The following MCF2L variants were observed in gnomAD, a reference collection of about 807,000 sequenced individuals.
MCF2L encodes the protein guanine nucleotide exchange factor DBS.
In MCF2L, 97 loss-of-function variants were observed where a neutral mutation model predicts 153.4. That is an observed-to-expected ratio of 0.63 (90% CI 0.54 to 0.75). MCF2L has a LOEUF of 0.75. Ranked by LOEUF, MCF2L falls within the 30% of genes least tolerant of loss-of-function variation. The probability of loss-of-function intolerance (pLI) is 0.00; values close to 1 mark genes in which losing one functional copy is unlikely to be tolerated. For missense variants in MCF2L, 1,347 were observed against 1,495.2 expected (o/e 0.90, Z 1.64); for synonymous variants, 659 against 632.2 (o/e 1.04, Z -0.64).
chr13:112,946,810 A>G (rs1384474633), intron 2 of MCF2L, among the ~76,000 whole-genome samples: 1 of 152,238 alleles, frequency 6.6e-6, no homozygotes, highest in East Asian at 1.9e-4. Context: ...AAGGTGGAAC[A>G]GACATACTTT....
At chr13:113,086,394 G>A (rs1278085371) in intron 21 of MCF2L, 145 bp downstream of exon 21, 2 of 1,092,220 alleles carry the variant, frequency 1.8e-6, no homozygotes, top group Non-Finnish European at 2.5e-6. Flanking sequence ...CCCTAGATAA[G>A]CCCACTCCCA....
chr13:112,922,448 A>T (rs1328787916), intron 2 of MCF2L, among the ~76,000 whole-genome samples: 2 of 152,122 alleles, frequency 1.3e-5, no homozygotes, highest in African/African-American at 4.8e-5. Context: ...GCAACATAGT[A>T]CTTTGGCAGA....
intron 2 of MCF2L, among the ~76,000 whole-genome samples, chr13:112,942,969 T>C (rs1369938969): frequency 6.6e-6 from 1 of 152,194 alleles, no homozygotes; most frequent in African/African-American, 2.4e-5. Flanking sequence ...GTATTTAGGA[T>C]TGACATGTGT....
chr13:113,025,536 CCG>C (rs1272308034), intron 3 of MCF2L, among the ~76,000 whole-genome samples: 3 of 82,648 alleles, frequency 3.6e-5, no homozygotes, highest in Non-Finnish European at 4.9e-5. Flanking sequence ...CGTGGGGTCC[CCG>C]TGACTGTGGG....
At position 113,094,593 on chromosome 13, in the gene MCF2L, G is replaced by A. The variant is rs371463965; in HGVS notation, c.3033G>A (p.Ser1011=). The A allele has an allele frequency of 4.2e-5, 68 of 1,612,350 alleles. No individual in the cohort carries two copies. Among genetic ancestry groups the A allele is most frequent in the Admixed American group, 1.2e-4 (7 of 59,932 alleles). Residue 1011 remains serine, a synonymous_variant, in exon 27 of 30, where the codon TCG becomes TCA. Transcript: ENST00000535094. ...GWSSAEEQIN[S]SDAEEDGGLG... ...CAAGTGCAGAGGAGCAGATTAACTC[G>A]TCCGACGCAGAGGAGGACGGCGGGT...
intron 4 of MCF2L, among the ~76,000 whole-genome samples, chr13:113,047,893 G>A (rs9577439): frequency 0.13 from 6,595 of 49,054 alleles, 237 homozygotes; most frequent in East Asian, 0.29. Flanking sequence ...CTGATGCCTC[G>A]CTACGCGTGC....
At chr13:113,065,942 C>G in intron 7 of MCF2L, 104 bp from the exon 8 acceptor site, 1 of 1,257,982 alleles carries the variant, frequency 7.9e-7, no homozygotes. Flanking sequence ...TGACCCCTTC[C>G]TCAGTCCCCG....
intron 2 of MCF2L, among the ~76,000 whole-genome samples, chr13:113,015,982 A>C (rs1226426524): frequency 6.6e-6 from 1 of 152,040 alleles, no homozygotes; most frequent in Non-Finnish European, 1.5e-5. Context: ...AGAGGCTCAC[A>C]GCTTTGCCAC....
At chr13:112,925,582 C>T (rs1388706769) in intron 2 of MCF2L, among the ~76,000 whole-genome samples, 1 of 152,154 alleles carries the variant, frequency 6.6e-6, no homozygotes, top group Non-Finnish European at 1.5e-5. Flanking sequence ...GTTCACACAT[C>T]AATCTCAAGA....
chr13:113,051,803 C>A (rs1332298911), intron 4 of MCF2L, among the ~76,000 whole-genome samples: 1 of 152,116 alleles, frequency 6.6e-6, no homozygotes, highest in Non-Finnish European at 1.5e-5. Flanking sequence ...CCTCACCTGG[C>A]GAGGGGAGAG....
chr13:112,969,240 G>T lies in MCF2L; in HGVS notation c.-140G>T, dbSNP rs955535537. ...CGGAACCAATCCTGGGCAGGGAGGC[G>T]GCGGCTGGAGGCTGAAAGCGCTGCC... On this transcript the variant is annotated 5_prime_UTR_variant, in exon 1 of 30. Coordinates refer to ENST00000535094, the MANE Select transcript of MCF2L (RefSeq NM_001112732.3). This position sits in a 1 kb window ranked among gnomAD's most constrained non-coding sequence, Gnocchi z 4.8. 4.4e-5 allele frequency: 59 copies of T among 1,345,944 alleles called. No individual in the cohort carries two copies. The African/African-American group carries it at 7.4e-4, about 17-fold the overall frequency. The allele number at this position is 1,345,944 out of a possible 1,614,324, so 83.4% of individuals were successfully genotyped here.
chr13:113,095,366 G>A (rs746507502), intron 27 of MCF2L: 1 of 1,142,378 alleles, frequency 8.8e-7, no homozygotes, highest in Non-Finnish European at 1.1e-6. Flanking sequence ...CTCTCCCACA[G>A]AGACAGCATG....
intron 26 of MCF2L, among the ~76,000 whole-genome samples, chr13:113,091,931 G>A (rs539206685): frequency 1.9e-4 from 29 of 152,290 alleles, no homozygotes; most frequent in African/African-American, 6.7e-4. Context: ...CTCCTCACAT[G>A]ACACAGCGAG....
rs9577409 is a variant in MCF2L at position 112,988,458 on chromosome 13, G to C, written c.79+19000G>C. ...ACGGGTGTGGTGCGTTTTAATTCTC[G>C]GCAGCTCTGTGCGGCCTGGAGGGAC... On this transcript the variant is annotated intron_variant, in intron 1 of 29. Transcript: ENST00000535094. 4.9e-3 allele frequency among the ~76,000 whole-genome samples: 751 copies of C among 152,308 alleles called. 26 individuals carry two copies. In the East Asian group the frequency reaches 0.1, roughly 21 times the overall value.
At chr13:112,930,085 G>C (rs559754693) in intron 2 of MCF2L, among the ~76,000 whole-genome samples, 12 of 152,326 alleles carry the variant, frequency 7.9e-5, no homozygotes, top group African/African-American at 2.9e-4. Context: ...CACAGGGCAT[G>C]GGGAGCTCTC....
At position 112,960,018 on chromosome 13, in the gene MCF2L, G is replaced by A. The variant is rs572955376; in HGVS notation, c.170-54745G>A. On this transcript the variant is annotated intron_variant, in intron 2 of 29. Coordinates refer to the MCF2L transcript ENST00000375608. The surrounding 1 kb of genome is among the most constrained non-coding windows in gnomAD (Gnocchi z 4.2). ...TTCTCACGCGTCGGGCTGCGGCAGA[G>A]GTGCCTGTGTCACCGAGGTCCCTCG... Among the ~76,000 whole-genome samples the A allele has an allele frequency of 6.6e-6, 1 of 152,374 alleles. No homozygotes were observed. The highest frequency in any genetic ancestry group is 2.4e-5 in the African/African-American group (1 of 41,594).
chr13:113,072,301 T>C (rs1307812279), intron 9 of MCF2L, among the ~76,000 whole-genome samples: 1 of 152,218 alleles, frequency 6.6e-6, no homozygotes, highest in Non-Finnish European at 1.5e-5. Flanking sequence ...GGTTTCTTCC[T>C]TTTTGAAGAT....
chr13:112,994,978 C>G (rs2083063718), intron 1 of MCF2L, among the ~76,000 whole-genome samples: 1 of 152,238 alleles, frequency 6.6e-6, no homozygotes, highest in Non-Finnish European at 1.5e-5. Context: ...GAGACTTCCC[C>G]AGGTTTGGCT....
chr13:113,020,194 T>C (rs2141244943), intron 2 of MCF2L, among the ~76,000 whole-genome samples: 1 of 152,340 alleles, frequency 6.6e-6, no homozygotes, highest in Admixed American at 6.5e-5. Flanking sequence ...AGGATACAGA[T>C]GTCATAGTAA....
Sources: allele counts gnomAD v4.1 joint callset (sites outside exome capture counted in the v4.1 genomes callset), GRCh38; gene constraint gnomAD v4.1.1; non-coding constraint Gnocchi (gnomAD v3.1); transcripts MANE v1.5; gene names NCBI Gene and HGNC (gene_info 2026-07-23, HGNC 2026-07-21).